ART5: variants seen among roughly 807,000 people sequenced by gnomAD.
ART5 encodes ADP-ribosyltransferase 5.
ART5 carries 22 observed loss-of-function variants against 25.0 expected under a neutral mutation model. The ratio of observed to expected loss-of-function variants is 0.88; its 90% CI spans 0.63 to 1.26. The LOEUF (loss-of-function observed/expected upper bound fraction) is 1.26, where lower values mean the gene tolerates loss of function less well. Ranked by LOEUF, ART5 falls within the 50% of genes most tolerant of loss-of-function variation. ART5 has a pLI of 0.00. For synonymous variants in ART5, 161 were observed against 154.8 expected, an observed-to-expected ratio of 1.04 and a Z score of -0.30; for missense variants, 402 against 372.8, an observed-to-expected ratio of 1.08 and a Z score of -0.64.
At position 3,639,797 on chromosome 11, in the gene ART5, T is replaced by C; in HGVS notation, c.632A>G (p.Gln211Arg). 1.2e-6 allele frequency: 2 copies of C among 1,614,148 alleles called. No homozygotes were observed. The highest frequency in any genetic ancestry group is 2.2e-5 in the East Asian group (1 of 44,878). The change falls in exon 2 of 4, where the codon CAG becomes CGG. Residue 211 changes from glutamine to arginine, a missense_variant. Physicochemically the swap from Gln to Arg is conservative, Grantham distance 43 (BLOSUM62 1). Transcript: ENST00000397068. ...SLTTCFGAPI[Q>R]AFSVFPKERE... ...CTCCTTGGGAAAGACAGAGAAGGCC[T>C]GTATAGGGGCCCCAAAGCAAGTTGT...
chr11:3,639,927 C>G lies in ART5; in HGVS notation c.502G>C (p.Glu168Gln). 1 of 1,614,176 alleles carries G rather than the reference C, an allele frequency of 6.2e-7. No individual in the cohort carries two copies. Among genetic ancestry groups the G allele is most frequent in the South Asian group, 1.1e-5 (1 of 91,084 alleles). ...VFRGVGSLRF[E>Q]PKRLGDSVRL... ...ACAGAGTCTCCCAGCCTCTTGGGTT[C>G]AAAGCGAAGGCTGCCCACACCTCGG... is the stretch of plus-strand genomic sequence containing the variant. Residue 168 changes from glutamate to glutamine, a missense_variant, in exon 2 of 4, where the codon GAA (glutamate) becomes CAA (glutamine). By Grantham distance (29) the Glu-to-Gln change is conservative. Transcript: ENST00000397068.
At chr11:3,642,229 G>A (rs2077415319), upstream of ART5, 2 of 1,145,480 alleles carry the variant, frequency 1.7e-6, no homozygotes, top group African/African-American at 1.6e-5. Context: ...GCTCTGGCGG[G>A]CGCTGCGCTG....
rs117495296 is a variant in ART5, at chr11:3,639,414, C to T, written c.787+228G>A. 8.1e-3 allele frequency among the ~76,000 whole-genome samples: 1,234 copies of T among 152,264 alleles called. 8 individuals carry two copies. The highest frequency in any genetic ancestry group is 0.014 in the South Asian group (68 of 4,826). ...TCTATTAGACCATGTAGCAGATGGA[C>T]CCTTTTGAGGACATATAGAATCATC... is the stretch of plus-strand genomic sequence containing the variant. On this transcript the variant is annotated intron_variant, in intron 2 of 3. Transcript: ENST00000397068.
At position 3,638,799 on chromosome 11, in the gene ART5, TG is replaced by T. The variant is rs1443304174; in HGVS notation, c.821-7del. ...GTCACCCGTTCCCAGGGCTCCTAAG[TG>T]GCAGATGTTGGACTTTCAGGGCCCA... On this transcript the variant is annotated splice_polypyrimidine_tract_variant and splice_region_variant and intron_variant, in intron 3 of 3. Transcript: ENST00000397068. 6.2e-7 allele frequency: 1 copy of T among 1,614,106 alleles called. No individual in the cohort carries two copies. Among genetic ancestry groups the T allele is most frequent in the East Asian group, 2.2e-5 (1 of 44,862 alleles).
At chr11:3,638,872 A>T (rs748720924) in intron 3 of ART5, 79 bp from the exon 4 acceptor site, 1 of 1,613,174 alleles carries the variant, frequency 6.2e-7, no homozygotes, top group South Asian at 1.1e-5. Flanking sequence ...AGAGTCTTCC[A>T]GGGGGGCAGA....
chr11:3,642,203 G>A (rs1454051755), upstream of ART5: 2 of 1,173,706 alleles, frequency 1.7e-6, no homozygotes, highest in African/African-American at 3.2e-5. Flanking sequence ...GCCGCCAGCG[G>A]GAGGGAGCGC....
rs777909444 is a variant in ART5, at chr11:3,639,691, G to A, written c.738C>T (p.Leu246=). Residue 246 remains leucine, a synonymous_variant, in exon 2 of 4, where the codon CTC becomes CTT. Transcript: ENST00000397068. ...GGCTACAGGTCTGATTATAGCTCCA[G>A]AGAGTCACCAAGCTCTGGGCTCCAT... ...SQDGAQSLVT[L]WSYNQTCSHF... 10 of 1,614,002 alleles carry A rather than the reference G, an allele frequency of 6.2e-6. No homozygotes were observed. In the South Asian group the frequency reaches 1.1e-4, roughly 18 times the overall value.
Position 3,639,676 on chromosome 11 carries a change from C to G in ART5, c.753G>C (p.Gln251His). 1 of 1,613,774 alleles carries G rather than the reference C, an allele frequency of 6.2e-7. No individual in the cohort carries two copies. The highest frequency in any genetic ancestry group is 8.5e-7 in the Non-Finnish European group (1 of 1,180,006). The change falls in exon 2 of 4, where the codon CAG (glutamine) becomes CAC (histidine). Residue 251 changes from glutamine (Q) to histidine (H), a missense_variant. Physicochemically the swap from Gln to His is conservative, Grantham distance 24. Coordinates refer to ENST00000397068, the MANE Select transcript of ART5 (RefSeq NM_053017.5). ...AGGCGCAGTTAAAATGGCTACAGGT[C>G]TGATTATAGCTCCAGAGAGTCACCA... ...QSLVTLWSYN[Q>H]TCSHFNCAYL...
chr11:3,641,707 C>G (rs150650159), intron 1 of ART5, 99 bp downstream of exon 1: 1 of 1,530,434 alleles, frequency 6.5e-7, no homozygotes, highest in East Asian at 2.5e-5. Context: ...AGGGAAGAGT[C>G]CCTGGGAGAG....
chr11:3,641,523 C>T (rs868013473), intron 1 of ART5, among the ~76,000 whole-genome samples: 2 of 152,100 alleles, frequency 1.3e-5, no homozygotes, highest in South Asian at 4.2e-4. Flanking sequence ...ACACAGGTAA[C>T]CCAAGGAGGC....
At chr11:3,641,702 A>G (rs2077400506) in intron 1 of ART5, 104 bp downstream of exon 1, 1 of 1,516,100 alleles carries the variant, frequency 6.6e-7, no homozygotes, top group South Asian at 1.2e-5. Flanking sequence ...ATCCTAGGGA[A>G]GAGTCCCTGG....
chr11:3,641,703 G>A, intron 1 of ART5, 103 bp downstream of exon 1: 4 of 1,517,108 alleles, frequency 2.6e-6, no homozygotes, highest in Non-Finnish European at 3.6e-6. Flanking sequence ...TCCTAGGGAA[G>A]AGTCCCTGGG....
rs534992067 is a variant in ART5, at chr11:3,641,968, C to G, written c.-106G>C. The stretch of plus-strand genomic sequence containing the variant: ...GGCAGATCTGGACCCTGTCTCCAGG[C>G]GCACGGGATCCCGGGTCCAGGATTA... On this transcript the variant is annotated 5_prime_UTR_variant, in exon 1 of 4. Transcript: ENST00000397068. The G allele has an allele frequency of 4.4e-4, 655 of 1,497,182 alleles. 2 individuals carry two copies. In the African/African-American group the frequency reaches 7.8e-3, roughly 18 times the overall value. 92.7% of individuals were successfully genotyped at this position (1,497,182 alleles called of 1,614,324 possible). A position where few individuals can be genotyped will look rare whatever the true frequency, so the allele number is the denominator to read the frequency against.
intron 3 of ART5, 29 bp from the exon 4 acceptor site, chr11:3,638,822 C>T (rs1240999359): frequency 6.2e-7 from 1 of 1,614,006 alleles, no homozygotes; most frequent in African/African-American, 1.3e-5. Flanking sequence ...ACTTTCAGGG[C>T]CCAACCCCTG....
rs1405734726 is a variant in ART5, at chr11:3,638,774, G to A, written c.840C>T (p.Asp280=). Residue 280 remains aspartate, a synonymous_variant, in exon 4 of 4, where the codon GAC becomes GAT. Transcript: ENST00000397068. ...VSAPGALGTG[D]LHMTKRHLQQ... is the part of the protein sequence containing the mutation. ...GGAGGTGCCTCTTCGTCATATGAAG[G>A]TCACCCGTTCCCAGGGCTCCTAAGT... 3.1e-6 allele frequency: 5 copies of A among 1,614,016 alleles called. No individual in the cohort carries two copies. Among genetic ancestry groups the A allele is most frequent in the African/African-American group, 2.7e-5 (2 of 74,916 alleles).
chr11:3,641,570 G>A (rs998155077), intron 1 of ART5, among the ~76,000 whole-genome samples: 4 of 152,154 alleles, frequency 2.6e-5, no homozygotes, highest in African/African-American at 7.2e-5. Flanking sequence ...GATGAGAGGT[G>A]GGGAGGAGAA....
At chr11:3,641,755 G>A (rs768781299) in intron 1 of ART5, 51 bp downstream of exon 1, 6 of 1,554,754 alleles carry the variant, frequency 3.9e-6, no homozygotes, top group Non-Finnish European at 5.2e-6. Context: ...CTTCCTCAGG[G>A]TCTGTCCCTT....
chr11:3,641,941 G>A lies in ART5; in HGVS notation c.-79C>T. 1.3e-6 allele frequency: 2 copies of A among 1,532,076 alleles called. No homozygotes were observed. Among genetic ancestry groups the A allele is most frequent in the Non-Finnish European group, 1.8e-6 (2 of 1,142,768 alleles). 94.9% of individuals were successfully genotyped at this position (1,532,076 alleles called of 1,614,324 possible). Reference sequence around the variant, plus strand: ...CTGGAGTCCTGGTTTCGAGGGGCTGGAGGCAGATCTGGACCCTGTCTCCAG... The same window carrying A: ...CTGGAGTCCTGGTTTCGAGGGGCTGAAGGCAGATCTGGACCCTGTCTCCAG... On this transcript the variant is annotated 5_prime_UTR_variant, in exon 1 of 4. Coordinates refer to ENST00000397068, the MANE Select transcript of ART5 (RefSeq NM_053017.5).
At chr11:3,641,785 G>A in intron 1 of ART5, 21 bp downstream of exon 1, 1 of 1,569,994 alleles carries the variant, frequency 6.4e-7, no homozygotes, top group African/African-American at 1.3e-5. Flanking sequence ...CTTGGGGCTA[G>A]GAGATGGTTC....
Sources: allele counts gnomAD v4.1 joint callset (sites outside exome capture counted in the v4.1 genomes callset), GRCh38; gene constraint gnomAD v4.1.1; transcripts MANE v1.5; gene names NCBI Gene and HGNC (gene_info 2026-07-23, HGNC 2026-07-21).